CD59: variants seen among roughly 807,000 people sequenced by gnomAD.
The protein encoded by CD59 is CD59 glycoprotein.
Under a neutral mutation model 7.0 loss-of-function variants are expected in CD59, and 3 were observed. The ratio of observed to expected loss-of-function variants is 0.43; its 90% CI spans 0.19 to 1.10. The LOEUF is 1.10. Ranked by LOEUF, CD59 falls within the 50% of genes least tolerant of loss-of-function variation. The pLI, the probability that CD59 is intolerant of heterozygous loss-of-function variation, is 0.29. For synonymous variants in CD59, 60 were observed against 62.0 expected, an observed-to-expected ratio of 0.97 and a Z score of 0.15; for missense variants, 143 against 151.0, an observed-to-expected ratio of 0.95 and a Z score of 0.28.
intron 2 of CD59, chr11:33,718,756 A>T (rs1189824458): frequency 6.6e-6 from 1 of 152,210 alleles, no homozygotes. Context: ...TCAATTCTTA[A>T]GACTCATCCT....
intron 1 of CD59, among the ~76,000 whole-genome samples, chr11:33,724,627 G>C (rs751363114): frequency 1.3e-5 from 2 of 152,168 alleles, no homozygotes; most frequent in African/African-American, 2.4e-5. Context: ...GTTGGGGGGT[G>C]AACGGTGGGA....
In CD59 at chr11:33,710,092, C is replaced by T. The variant is rs775255324; in HGVS notation, c.*34G>A. On this transcript the variant is annotated 3_prime_UTR_variant, in exon 4 of 4. Coordinates refer to ENST00000642928, the MANE Select transcript of CD59 (RefSeq NM_000611.6). ...CAAGAGAAAGCGGACTACGCAGGAACGGGGAGTTTGGGAGAAGCTCTCCTG... is the reference window on the plus strand; with the variant it reads ...CAAGAGAAAGCGGACTACGCAGGAATGGGGAGTTTGGGAGAAGCTCTCCTG... The T allele has an allele frequency of 5.4e-5, 80 of 1,492,554 alleles. No homozygotes were observed. Among genetic ancestry groups the T allele is most frequent in the Middle Eastern group, 1.7e-4 (1 of 5,810 alleles). 92.5% of individuals were successfully genotyped at this position (1,492,554 alleles called of 1,614,324 possible). A position where few individuals can be genotyped will look rare whatever the true frequency, so the allele number is the denominator to read the frequency against.
intron 3 of CD59, among the ~76,000 whole-genome samples, chr11:33,714,540 A>G (rs1853702962): frequency 6.6e-6 from 1 of 152,214 alleles, no homozygotes; most frequent in Admixed American, 6.5e-5. Context: ...TTTAGTCCAC[A>G]CTAAGCTTAT....
At chr11:33,714,338 T>A (rs1853691388) in intron 3 of CD59, among the ~76,000 whole-genome samples, 3 of 152,228 alleles carry the variant, frequency 2.0e-5, no homozygotes, top group African/African-American at 7.2e-5. Context: ...AATATTTGTG[T>A]ATCTGACCAT....
intron 1 of CD59, among the ~76,000 whole-genome samples, chr11:33,726,174 G>C (rs1195457056): frequency 2.0e-5 from 3 of 152,184 alleles, no homozygotes; most frequent in African/African-American, 4.8e-5. Flanking sequence ...TCTGGACCAA[G>C]TGGACCTAAC....
rs532329609 is a variant in CD59, at chr11:33,714,031, G to A, written c.169+3339C>T. Reference sequence around the variant, plus strand: ...CAGTGACCACTTGACACTGTCATCAGAGGCTCCTTCAAGACTAAGTACATT... The same window carrying A: ...CAGTGACCACTTGACACTGTCATCAAAGGCTCCTTCAAGACTAAGTACATT... On this transcript the variant is annotated intron_variant, in intron 3 of 3. Coordinates refer to ENST00000642928, the MANE Select transcript of CD59 (RefSeq NM_000611.6). 2.6e-5 allele frequency among the ~76,000 whole-genome samples: 4 copies of A among 152,318 alleles called. No homozygotes were observed. In the South Asian group the frequency reaches 6.2e-4, roughly 24 times the overall value.
intron 3 of CD59, among the ~76,000 whole-genome samples, chr11:33,715,666 T>G (rs1386749647): frequency 6.6e-6 from 1 of 151,824 alleles, no homozygotes; most frequent in Non-Finnish European, 1.5e-5. Flanking sequence ...GCATCTGGAG[T>G]TGTCAGAGTT....
intron 3 of CD59, chr11:33,711,237 T>C: frequency 3.5e-6 from 2 of 571,904 alleles, no homozygotes. Flanking sequence ...GAGGCTGAGA[T>C]GGGAGAATTG....
intron 3 of CD59, among the ~76,000 whole-genome samples, chr11:33,710,754 T>C (rs1283393648): frequency 1.3e-5 from 2 of 151,428 alleles, no homozygotes; most frequent in Non-Finnish European, 2.9e-5. Flanking sequence ...AAGGTCTCAC[T>C]TTCTTGCCCG....
chr11:33,719,778 C>G (rs1328978864), intron 2 of CD59, among the ~76,000 whole-genome samples: 1 of 152,228 alleles, frequency 6.6e-6, no homozygotes, highest in Non-Finnish European at 1.5e-5. Context: ...GTGGGCAGGG[C>G]CCCATCCACC....
chr11:33,718,706 C>T (rs545748594), intron 2 of CD59: 11 of 152,336 alleles, frequency 7.2e-5, no homozygotes, highest in African/African-American at 2.6e-4. Context: ...AAGCAAATTG[C>T]CTCCAGTTCC....
intron 2 of CD59, among the ~76,000 whole-genome samples, chr11:33,720,158 G>A (rs1853990903): frequency 6.6e-6 from 1 of 152,182 alleles, no homozygotes; most frequent in African/African-American, 2.4e-5. Context: ...GCATCTATGT[G>A]CTAAGCTCTT....
chr11:33,729,943 AT>A (rs1172337689), intron 1 of CD59, among the ~76,000 whole-genome samples: 1 of 151,816 alleles, frequency 6.6e-6, no homozygotes, highest in Admixed American at 6.6e-5. Context: ...TTTATATGCA[AT>A]TTTTTTTCTG....
intron 3 of CD59, among the ~76,000 whole-genome samples, chr11:33,711,032 T>TAAA (rs142039290): frequency 1.7e-5 from 2 of 120,154 alleles, no homozygotes; most frequent in South Asian, 5.4e-4. Flanking sequence ...GAGCTTGATT[T>TAAA]AAAAAAAAAA....
At position 33,714,413 on chromosome 11, in the gene CD59, C is replaced by T. The variant is rs180880064; in HGVS notation, c.169+2957G>A. The stretch of plus-strand genomic sequence containing the variant: ...AGATTTTAAAAATGGTACACCTGTA[C>T]AGGGCACTTACTGTGAATGGAGCTT... On this transcript the variant is annotated intron_variant, in intron 3 of 3. Coordinates refer to ENST00000642928, the MANE Select transcript of CD59 (RefSeq NM_000611.6). Among the ~76,000 whole-genome samples, 181 of 152,264 alleles carry T rather than the reference C, an allele frequency of 1.2e-3. 2 individuals are homozygous for T. The highest frequency in any genetic ancestry group is 2.1e-3 in the Non-Finnish European group (141 of 68,018).
chr11:33,717,728 C>A, intron 2 of CD59: 1 of 442,352 alleles, frequency 2.3e-6, no homozygotes, highest in South Asian at 2.1e-5. Flanking sequence ...TTCCTCCTAA[C>A]CTGCAACTGG....
intron 1 of CD59, chr11:33,731,350 T>C (rs1854412255): frequency 6.6e-6 from 1 of 151,640 alleles, no homozygotes; most frequent in South Asian, 2.1e-4. Context: ...TCCAAAGAAA[T>C]TGAACATAAA....
chr11:33,715,065 T>A (rs938419205), intron 3 of CD59, among the ~76,000 whole-genome samples: 2 of 151,560 alleles, frequency 1.3e-5, no homozygotes, highest in African/African-American at 4.8e-5. Context: ...TGCCTCAGCC[T>A]CCCGAGAGGC....
At position 33,714,854 on chromosome 11, in the gene CD59, A is replaced by G. The variant is rs138756856; in HGVS notation, c.169+2516T>C. On this transcript the variant is annotated intron_variant, in intron 3 of 3. Coordinates refer to ENST00000642928, the MANE Select transcript of CD59 (RefSeq NM_000611.6). ...GTCCCACTGGAAGGTCTTAGGGGTA[A>G]GAATACTCATGGGGCTGTCCTGTCC... Among the ~76,000 whole-genome samples, 665 of 152,080 alleles carry G rather than the reference A, an allele frequency of 4.4e-3. 7 individuals carry two copies. Among genetic ancestry groups the G allele is most frequent in the African/African-American group, 0.016 (646 of 41,484 alleles).
Sources: gnomAD v4.1 joint callset for allele counts (sites outside exome capture counted in the v4.1 genomes callset) on GRCh38, gnomAD v4.1.1 for gene constraint, MANE v1.5 for transcripts, NCBI Gene and HGNC (gene_info 2026-07-23, HGNC 2026-07-21) for gene names.